The following MYH10 variants were observed in gnomAD, a reference collection of about 807,000 sequenced individuals.
The protein encoded by MYH10 is myosin-10.
MYH10 carries 55 observed loss-of-function variants against 257.8 expected under a neutral mutation model. That is an observed-to-expected ratio of 0.21 (90% CI 0.17 to 0.27). The LOEUF is 0.27. Ranked by LOEUF, MYH10 falls within the 10% of genes least tolerant of loss-of-function variation. MYH10 has a pLI of 1.00. For synonymous variants in MYH10, 854 were observed against 921.7 expected, an observed-to-expected ratio of 0.93 and a Z score of 1.33; for missense variants, 1,631 against 2,500.6, an observed-to-expected ratio of 0.65 and a Z score of 7.42.
At chr17:8,517,573 A>C (rs1003423434) in intron 21 of MYH10, among the ~76,000 whole-genome samples, 8 of 152,210 alleles carry the variant, frequency 5.3e-5, no homozygotes, top group Non-Finnish European at 1.2e-4. Flanking sequence ...TTTGAATTCT[A>C]TCTCAAATTT....
chr17:8,548,698 G>T lies in MYH10; in HGVS notation c.1009C>A (p.Gln337Lys), dbSNP rs548860436. ...IPGQQDKDNF[Q>K]ETMEAMHIMG... ...ATGTGCATTGCTTCCATGGTCTCCT[G>T]GAAATTATCTTTGTCTTGCTGTCCC... The change falls in exon 10 of 43, where the codon CAG becomes AAG. Residue 337 changes from glutamine (Q) to lysine (K), a missense_variant. This residue lies in a region of MYH10 where 360 missense variants were observed against 581.9 expected (regional missense o/e 0.62). Coordinates refer to ENST00000360416, the MANE Select transcript of MYH10 (RefSeq NM_001256012.3). The T allele has an allele frequency of 1.2e-6, 2 of 1,614,034 alleles. No homozygotes were observed. The highest frequency in any genetic ancestry group is 2.7e-5 in the African/African-American group (2 of 75,020).
chr17:8,602,727 A>G (rs917702517), intron 3 of MYH10, among the ~76,000 whole-genome samples: 1 of 152,234 alleles, frequency 6.6e-6, no homozygotes, highest in Non-Finnish European at 1.5e-5. Context: ...AGAATGTGTC[A>G]CACTGCCTGG....
At chr17:8,600,078 C>T (rs1363873228) in intron 3 of MYH10, among the ~76,000 whole-genome samples, 3 of 152,102 alleles carry the variant, frequency 2.0e-5, no homozygotes, top group Non-Finnish European at 2.9e-5. Context: ...TCAGGGCTCA[C>T]GGTCAGGAAA....
At chr17:8,534,122 C>T (rs1033162977) in intron 16 of MYH10, among the ~76,000 whole-genome samples, 5 of 152,208 alleles carry the variant, frequency 3.3e-5, no homozygotes, top group African/African-American at 1.2e-4. Context: ...AGGAGCTCAA[C>T]TCTGAGGATA....
chr17:8,511,033 T>TATATAC (rs2091645930), intron 24 of MYH10: 3 of 12,104 alleles, frequency 2.5e-4, no homozygotes, highest in South Asian at 3.2e-3. Flanking sequence ...TATATATATA[T>TATATAC]ATATATATAT....
intron 16 of MYH10, among the ~76,000 whole-genome samples, chr17:8,531,138 T>C (rs945434469): frequency 2.9e-4 from 44 of 152,192 alleles, no homozygotes; most frequent in Middle Eastern, 3.2e-3. Context: ...TTACTTCTAA[T>C]ACAGATTTTC....
rs1468010941 is a variant in MYH10 at position 8,545,751 on chromosome 17, A to G, written c.1279-151T>C. 2.8e-6 allele frequency: 2 copies of G among 723,602 alleles called. No individual in the cohort carries two copies. Among genetic ancestry groups the G allele is most frequent in the Non-Finnish European group, 4.4e-6 (2 of 452,306 alleles). 44.8% of individuals were successfully genotyped at this position (723,602 alleles called of 1,614,324 possible). On this transcript the variant is annotated intron_variant, in intron 12 of 42. Coordinates refer to ENST00000360416, the MANE Select transcript of MYH10 (RefSeq NM_001256012.3). The surrounding 1 kb of genome is among the most constrained non-coding windows in gnomAD (Gnocchi z 4.7). ...TGTCTCAATTTTACACATCAATAGAAGGCAATATTAGAAGAATTAAATGAA... is the reference window on the plus strand; with the variant it reads ...TGTCTCAATTTTACACATCAATAGAGGGCAATATTAGAAGAATTAAATGAA...
At chr17:8,557,177 G>T (rs546012735) in intron 7 of MYH10, among the ~76,000 whole-genome samples, 2 of 152,130 alleles carry the variant, frequency 1.3e-5, no homozygotes, top group African/African-American at 4.8e-5. Flanking sequence ...ATATTTTATT[G>T]TATGCAAATT....
At chr17:8,487,704 T>C in intron 35 of MYH10, 110 bp from the exon 36 acceptor site, 1 of 1,249,648 alleles carries the variant, frequency 8.0e-7, no homozygotes, top group East Asian at 2.3e-5. Flanking sequence ...TGGAAACTTC[T>C]GTTACTCTGT....
chr17:8,605,084 T>C, intron 2 of MYH10, 102 bp from the exon 3 acceptor site: 2 of 596,114 alleles, frequency 3.4e-6, no homozygotes. Flanking sequence ...AAGCAGGAGA[T>C]CTTTACCTTT....
chr17:8,538,489 C>T (rs2082206190), intron 14 of MYH10, among the ~76,000 whole-genome samples: 1 of 152,186 alleles, frequency 6.6e-6, no homozygotes. Context: ...GGATTACAGG[C>T]GTGAGCCACT....
intron 32 of MYH10, 35 bp downstream of exon 32, chr17:8,493,698 C>T (rs554730509): frequency 5.1e-6 from 8 of 1,583,936 alleles, no homozygotes; most frequent in East Asian, 2.2e-5. Context: ...AGGCACACAT[C>T]GAGGCCACCG....
intron 36 of MYH10, among the ~76,000 whole-genome samples, chr17:8,486,212 G>A (rs1462691028): frequency 6.6e-6 from 1 of 152,136 alleles, no homozygotes; most frequent in Non-Finnish European, 1.5e-5. Context: ...AATGGGTGGA[G>A]GATTCTTTTG....
At chr17:8,611,138 G>A (rs894555096) in intron 2 of MYH10, among the ~76,000 whole-genome samples, 1 of 152,168 alleles carries the variant, frequency 6.6e-6, no homozygotes, top group African/African-American at 2.4e-5. Flanking sequence ...GTGTGGCGGT[G>A]GTAAATACCC....
At chr17:8,567,198 A>C (rs901129540) in intron 7 of MYH10, among the ~76,000 whole-genome samples, 1 of 152,202 alleles carries the variant, frequency 6.6e-6, no homozygotes, top group Non-Finnish European at 1.5e-5. Flanking sequence ...GGGATGATCC[A>C]GGAGAGTGAC....
At chr17:8,481,655 G>A (rs1440602448) in intron 37 of MYH10, among the ~76,000 whole-genome samples, 1 of 152,198 alleles carries the variant, frequency 6.6e-6, no homozygotes, top group Non-Finnish European at 1.5e-5. Flanking sequence ...TAAGGGCTTT[G>A]CTGTCACCTC....
chr17:8,616,429 C>T (rs1318911338), intron 2 of MYH10, among the ~76,000 whole-genome samples: 1 of 151,596 alleles, frequency 6.6e-6, no homozygotes, highest in African/African-American at 2.4e-5. Flanking sequence ...AGTCAATATA[C>T]AAAAATTAAT....
chr17:8,609,507 TAACTA>T (rs1317840123), intron 2 of MYH10, among the ~76,000 whole-genome samples: 6 of 151,998 alleles, frequency 3.9e-5, no homozygotes, highest in Non-Finnish European at 7.4e-5. Context: ...ATCTATAAAA[TAACTA>T]AAAGAAAACT....
Position 8,493,751 on chromosome 17 carries a change from C to T in MYH10, c.4191G>A (p.Val1397=), listed in dbSNP as rs113862308. 22 of 1,613,824 alleles carry T rather than the reference C, an allele frequency of 1.4e-5. No individual in the cohort carries two copies. In the African/African-American group the frequency reaches 1.7e-4, roughly 13 times the overall value. The change falls in exon 32 of 43, where the codon GTG becomes GTA. Residue 1397 remains valine (V), a synonymous_variant. Coordinates refer to ENST00000360416, the MANE Select transcript of MYH10 (RefSeq NM_001256012.3). The part of the protein sequence containing the change: ...EEARKNLEKQ[V]LALQSQLADT... ...CGCACACCTGGGACTGCAGGGCCAG[C>T]ACTTGCTTCTCCAGGTTCTTCCTGG...
Sources: gnomAD v4.1 joint callset for allele counts (sites outside exome capture counted in the v4.1 genomes callset) on GRCh38, gnomAD v4.1.1 for gene constraint, gnomAD v4.1.1 regional missense constraint, Gnocchi (gnomAD v3.1) non-coding constraint, MANE v1.5 for transcripts, NCBI Gene and HGNC (gene_info 2026-07-23, HGNC 2026-07-21) for gene names.